The following CUL3 variants were observed in gnomAD, a reference collection of about 807,000 sequenced individuals.
The protein encoded by CUL3 is cullin-3.
A neutral mutation model predicts 89.1 loss-of-function variants in CUL3; 19 were observed. The observed-to-expected ratio is 0.21, with a 90% CI of 0.15 to 0.31. CUL3 has a LOEUF of 0.31. CUL3 is among the 10% of genes least tolerant of loss of function. The pLI is 1.00. For missense variants in CUL3, 469 were observed against 942.3 expected, an observed-to-expected ratio of 0.50 and a Z score of 6.58; for synonymous variants, 351 against 308.4, an observed-to-expected ratio of 1.14 and a Z score of -1.45.
intron 2 of CUL3, among the ~76,000 whole-genome samples, chr2:224,546,119 C>T (rs958401349): frequency 2.0e-5 from 3 of 152,064 alleles, no homozygotes; most frequent in Non-Finnish European, 4.4e-5. Context: ...TATGACTTAT[C>T]GTTTGTAAAG....
chr2:224,506,915 T>C lies in CUL3; in HGVS notation c.972A>G (p.Gln324=), dbSNP rs1402024983. Residue 324 remains glutamine (Q), a synonymous_variant, in exon 7 of 16, where the codon CAA becomes CAG. Coordinates refer to ENST00000264414, the MANE Select transcript of CUL3 (RefSeq NM_003590.5). ...CECMSSYLRE[Q]GKALVSEEGE... ...CTTCTTCAGAAACAAGAGCTTTACC[T>C]TGCTCCCTCAAATAGGAACTCATAC... is the stretch of plus-strand genomic sequence containing the variant. 6.2e-7 allele frequency: 1 copy of C among 1,613,594 alleles called. No homozygotes were observed. Among genetic ancestry groups the C allele is most frequent in the African/African-American group, 1.3e-5 (1 of 74,920 alleles).
intron 3 of CUL3, among the ~76,000 whole-genome samples, chr2:224,534,866 T>G (rs975930550): frequency 6.6e-6 from 1 of 151,602 alleles, no homozygotes; most frequent in Non-Finnish European, 1.5e-5. Context: ...CCGGGCGTGG[T>G]GACGGGCACC....
intron 10 of CUL3, among the ~76,000 whole-genome samples, chr2:224,501,130 T>G (rs1475363217): frequency 6.6e-6 from 1 of 152,236 alleles, no homozygotes; most frequent in African/African-American, 2.4e-5. Context: ...GGGTCAATTA[T>G]ATCATTTTAG....
At chr2:224,547,912 C>G (rs921404244) in intron 2 of CUL3, among the ~76,000 whole-genome samples, 1 of 152,074 alleles carries the variant, frequency 6.6e-6, no homozygotes, top group Non-Finnish European at 1.5e-5. Context: ...AATATCTTAA[C>G]TTACTTACAA....
chr2:224,533,015 T>A (rs1693750214), intron 3 of CUL3: 1 of 152,098 alleles, frequency 6.6e-6, no homozygotes, highest in African/African-American at 2.4e-5. Context: ...AAATAGAAAG[T>A]AAGATCATTT....
At chr2:224,500,249 C>T (rs191148070) in intron 11 of CUL3, 114 bp downstream of exon 11, 77 of 1,242,822 alleles carry the variant, frequency 6.2e-5, no homozygotes, top group Middle Eastern at 4.8e-4. Context: ...CTTTTGATCA[C>T]GAGGTAATAA....
chr2:224,494,539 T>C (rs1309369863), intron 13 of CUL3, among the ~76,000 whole-genome samples: 2 of 152,048 alleles, frequency 1.3e-5, no homozygotes, highest in African/African-American at 4.8e-5. Context: ...AAAACTGGCA[T>C]AAAGACAGAC....
At chr2:224,566,430 A>C (rs1042947815) in intron 1 of CUL3, among the ~76,000 whole-genome samples, 4 of 152,216 alleles carry the variant, frequency 2.6e-5, no homozygotes, top group African/African-American at 7.2e-5. Flanking sequence ...GAGTTAGCTT[A>C]TCCCTTCCTG....
chr2:224,528,101 T>TG (rs1457486532), intron 3 of CUL3, among the ~76,000 whole-genome samples: 1 of 152,256 alleles, frequency 6.6e-6, no homozygotes, highest in Non-Finnish European at 1.5e-5. Context: ...TATTAGTTTC[T>TG]TATTGCTGCT....
At chr2:224,493,419 T>TGA (rs1173299307) in intron 13 of CUL3, among the ~76,000 whole-genome samples, 12 of 152,254 alleles carry the variant, frequency 7.9e-5, no homozygotes, top group Non-Finnish European at 1.5e-4. Flanking sequence ...TTGTGCCTTC[T>TGA]CACAATGCCC....
chr2:224,502,848 CAT>C (rs1035603186), intron 10 of CUL3, 115 bp downstream of exon 10: 11 of 699,028 alleles, frequency 1.6e-5, no homozygotes, highest in East Asian at 2.5e-5. Context: ...AGATAAAACA[CAT>C]GTTGTCACTA....
chr2:224,534,536 T>C (rs998967773), intron 3 of CUL3, among the ~76,000 whole-genome samples: 3 of 152,222 alleles, frequency 2.0e-5, no homozygotes, highest in Admixed American at 6.5e-5. Flanking sequence ...CTTTTGTTTC[T>C]CATTGTCATT....
intron 3 of CUL3, among the ~76,000 whole-genome samples, chr2:224,518,862 C>T (rs996913014): frequency 1.3e-5 from 2 of 152,190 alleles, no homozygotes; most frequent in African/African-American, 2.4e-5. Flanking sequence ...CAACTTTAAG[C>T]ATAGTGATGG....
intron 6 of CUL3, 49 bp downstream of exon 6, chr2:224,511,305 C>A (rs767424222): frequency 1.5e-6 from 2 of 1,337,258 alleles, no homozygotes; most frequent in Non-Finnish European, 2.1e-6. Flanking sequence ...TTAAAAATAT[C>A]GATAAGGCAG....
intron 3 of CUL3, among the ~76,000 whole-genome samples, chr2:224,533,619 ATAGT>A (rs1320161639): frequency 6.6e-6 from 1 of 152,224 alleles, no homozygotes; most frequent in Non-Finnish European, 1.5e-5. Flanking sequence ...TTAATGTTAG[ATAGT>A]TAGGATGCGA....
At chr2:224,488,080 T>C (rs1487304518) in intron 13 of CUL3, among the ~76,000 whole-genome samples, 1 of 152,182 alleles carries the variant, frequency 6.6e-6, no homozygotes, top group African/African-American at 2.4e-5. Context: ...CCAGAATCTC[T>C]GGGACACGGC....
rs764704764 is a variant in CUL3, at chr2:224,507,021, C to A, written c.884-18G>T. The A allele has an allele frequency of 6.2e-7, 1 of 1,603,354 alleles. No individual in the cohort carries two copies. The highest frequency in any genetic ancestry group is 2.2e-5 in the East Asian group (1 of 44,656). On this transcript the variant is annotated intron_variant, in intron 6 of 15. Transcript: ENST00000264414. ...ACCAAGGTCTACAAATCAGAAAACA[C>A]AAATTGGCTACATTAAAGATTAAAG...
intron 1 of CUL3, among the ~76,000 whole-genome samples, chr2:224,564,926 T>G (rs1381397459): frequency 6.6e-6 from 1 of 152,176 alleles, no homozygotes; most frequent in African/African-American, 2.4e-5. Context: ...GCTAGAAACA[T>G]AAGCCTTATA....
At chr2:224,516,819 G>C (rs1224833701) in intron 3 of CUL3, among the ~76,000 whole-genome samples, 1 of 151,292 alleles carries the variant, frequency 6.6e-6, no homozygotes, top group Non-Finnish European at 1.5e-5. Context: ...GCTAATTTTT[G>C]TATTTTTAGT....
Sources: allele counts gnomAD v4.1 joint callset (sites outside exome capture counted in the v4.1 genomes callset), GRCh38; gene constraint gnomAD v4.1.1; transcripts MANE v1.5; gene names NCBI Gene and HGNC (gene_info 2026-07-23, HGNC 2026-07-21).